VPS13B: variants seen among roughly 807,000 people sequenced by gnomAD.
VPS13B encodes vacuolar protein sorting 13 homolog B, also known as intermembrane lipid transfer protein VPS13B.
VPS13B carries 285 observed loss-of-function variants against 426.4 expected under a neutral mutation model. The ratio of observed to expected loss-of-function variants is 0.67; its 90% CI spans 0.61 to 0.74. The LOEUF is 0.74. Ranked by LOEUF, VPS13B falls within the 30% of genes least tolerant of loss-of-function variation. The pLI is 0.00. For missense variants in VPS13B, 4,537 were observed against 4,782.6 expected (o/e 0.95, Z 1.51); for synonymous variants, 1,676 against 1,676.4 (o/e 1.00, Z 0.01).
intron 56 of VPS13B, among the ~76,000 whole-genome samples, chr8:99,858,051 T>C (rs1816642783): frequency 6.6e-6 from 1 of 152,240 alleles, no homozygotes; most frequent in African/African-American, 2.4e-5. Context: ...CTCAGATCGC[T>C]GAGCTGAGGA....
At chr8:99,416,829 C>T (rs574361580) in intron 21 of VPS13B, among the ~76,000 whole-genome samples, 34 of 152,332 alleles carry the variant, frequency 2.2e-4, no homozygotes, top group Admixed American at 1.4e-3. Flanking sequence ...GCACTGATCT[C>T]GCTGGGAGCT....
intron 16 of VPS13B, among the ~76,000 whole-genome samples, chr8:99,187,228 G>T (rs973351367): frequency 6.6e-6 from 1 of 151,906 alleles, no homozygotes; most frequent in African/African-American, 2.4e-5. Flanking sequence ...CAGGGGCGGG[G>T]GGCGGTTCAG....
intron 39 of VPS13B, among the ~76,000 whole-genome samples, chr8:99,724,738 A>T (rs1833267016): frequency 6.6e-6 from 1 of 152,168 alleles, no homozygotes; most frequent in Admixed American, 6.5e-5. Context: ...AGACCACTAA[A>T]AAAGACTCCT....
intron 53 of VPS13B, 84 bp downstream of exon 53, chr8:99,835,408 T>C: frequency 6.6e-7 from 1 of 1,513,228 alleles, no homozygotes; most frequent in African/African-American, 1.4e-5. Context: ...CCTGTGATCC[T>C]GTGAAAAAAA....
intron 51 of VPS13B, among the ~76,000 whole-genome samples, chr8:99,828,394 G>GTTTTGTTTTTTTTTTTTTTTTTTTTTT (rs1814832334): frequency 5.7e-5 from 1 of 17,424 alleles, no homozygotes; most frequent in Non-Finnish European, 1.0e-4. Context: ...TACAACCACC[G>GTTTTGTTTTTTTTTTTTTTTTTTTTTT]TTTTTTTTTT....
At chr8:99,164,178 C>T (rs915423010) in intron 15 of VPS13B, among the ~76,000 whole-genome samples, 6 of 152,074 alleles carry the variant, frequency 3.9e-5, no homozygotes, top group Admixed American at 2.0e-4. Flanking sequence ...ATTTGTAAGA[C>T]CATCTGTTGC....
chr8:99,700,731 G>A (rs75654101), intron 36 of VPS13B, among the ~76,000 whole-genome samples: 6,309 of 152,260 alleles, frequency 0.041, 143 homozygotes, highest in East Asian at 0.055. Flanking sequence ...AAAAGCATGG[G>A]AAGTGTGGGC....
intron 8 of VPS13B, among the ~76,000 whole-genome samples, chr8:99,123,405 A>G (rs1301305799): frequency 6.6e-6 from 1 of 152,162 alleles, no homozygotes; most frequent in Non-Finnish European, 1.5e-5. Context: ...TGAATGTGGT[A>G]TGAAAGATAA....
chr8:99,739,285 C>T (rs1333671083), intron 39 of VPS13B, among the ~76,000 whole-genome samples: 2 of 152,176 alleles, frequency 1.3e-5, no homozygotes, highest in African/African-American at 2.4e-5. Flanking sequence ...GAGGGGCGCC[C>T]GCCATTGCTG....
intron 5 of VPS13B, among the ~76,000 whole-genome samples, chr8:99,103,569 G>A (rs1355844068): frequency 2.8e-5 from 4 of 144,346 alleles, no homozygotes; most frequent in Admixed American, 7.2e-5. Flanking sequence ...CTCAATCTCG[G>A]CTCACTGCAA....
At chr8:99,444,405 G>A (rs1817818011) in intron 23 of VPS13B, among the ~76,000 whole-genome samples, 1 of 152,134 alleles carries the variant, frequency 6.6e-6, no homozygotes, top group African/African-American at 2.4e-5. Context: ...CCAAATTAAA[G>A]TGTTTTTAAG....
At chr8:99,515,066 G>T (rs1488137218) in intron 29 of VPS13B, among the ~76,000 whole-genome samples, 1 of 152,114 alleles carries the variant, frequency 6.6e-6, no homozygotes, top group South Asian at 2.1e-4. Flanking sequence ...TTTATTTTCT[G>T]TGATACTTAC....
intron 21 of VPS13B, among the ~76,000 whole-genome samples, chr8:99,416,643 C>T (rs975322314): frequency 6.6e-6 from 1 of 152,166 alleles, no homozygotes; most frequent in Admixed American, 6.5e-5. Context: ...ATGGCACAGT[C>T]CCTCATGGCT....
intron 39 of VPS13B, among the ~76,000 whole-genome samples, chr8:99,737,106 CTTTTTTTTT>C (rs386413466): frequency 6.1e-4 from 27 of 44,368 alleles, no homozygotes; most frequent in African/African-American, 2.1e-3. Context: ...AGATGTCCTT[CTTTTTTTTT>C]TTTTTTTTTT....
chr8:99,756,569 A>C (rs1188095510), intron 39 of VPS13B, among the ~76,000 whole-genome samples: 1 of 152,254 alleles, frequency 6.6e-6, no homozygotes, highest in East Asian at 1.9e-4. Flanking sequence ...AAAGACAAAG[A>C]ATATTGAAAG....
intron 39 of VPS13B, among the ~76,000 whole-genome samples, chr8:99,758,572 T>A (rs1810756855): frequency 6.6e-6 from 1 of 152,220 alleles, no homozygotes; most frequent in South Asian, 2.1e-4. Flanking sequence ...CCTCAAGAAG[T>A]AGTAGTAGGT....
chr8:99,816,367 G>C (rs1204284519), intron 44 of VPS13B, among the ~76,000 whole-genome samples: 1 of 152,134 alleles, frequency 6.6e-6, no homozygotes, highest in Non-Finnish European at 1.5e-5. Flanking sequence ...CTCCCAAACT[G>C]CTGGGATTAC....
chr8:99,181,865 A>C (rs1812963346), intron 16 of VPS13B, among the ~76,000 whole-genome samples: 1 of 152,172 alleles, frequency 6.6e-6, no homozygotes, highest in South Asian at 2.1e-4. Context: ...TGAGGAACAG[A>C]CTGAGTAAAA....
intron 22 of VPS13B, among the ~76,000 whole-genome samples, chr8:99,437,327 GGAA>G (rs1370914087): frequency 6.6e-6 from 1 of 151,734 alleles, no homozygotes; most frequent in African/African-American, 2.4e-5. Flanking sequence ...TTTTCAGTGT[GGAA>G]GAAGGAGTTT....
Sources: gnomAD v4.1 joint callset for allele counts (sites outside exome capture counted in the v4.1 genomes callset) on GRCh38, gnomAD v4.1.1 for gene constraint, MANE v1.5 for transcripts, NCBI Gene and HGNC (gene_info 2026-07-23, HGNC 2026-07-21) for gene names.